Variants in BCL2L1 observed in about 807,000 individuals in gnomAD.
The protein encoded by BCL2L1 is bcl-2-like protein 1.
BCL2L1 carries 1 observed loss-of-function variant against 18.7 expected under a neutral mutation model. That is an observed-to-expected ratio of 0.05 (90% CI 0.02 to 0.25). BCL2L1 has a LOEUF of 0.25. Among genes scored for constraint, BCL2L1 ranks in the 10% least tolerant of loss-of-function variants. The pLI, the probability that BCL2L1 is intolerant of heterozygous loss-of-function variation, is 1.00. For synonymous variants in BCL2L1, 103 were observed against 122.7 expected (o/e 0.84, Z 1.06); for missense variants, 207 against 304.9 (o/e 0.68, Z 2.39).
At chr20:31,720,080 G>C in intron 2 of BCL2L1, 1 of 985,158 alleles carries the variant, frequency 1.0e-6, no homozygotes, top group East Asian at 1.1e-4. Context: ...TGGCTTTCAA[G>C]TCTAGTCAGC....
intron 2 of BCL2L1, among the ~76,000 whole-genome samples, chr20:31,707,779 A>C (rs1272796779): frequency 1.5e-5 from 2 of 132,728 alleles, no homozygotes; most frequent in Non-Finnish European, 3.3e-5. Context: ...ACTCTGTCTC[A>C]AAAAAAAAAA....
chr20:31,673,606 G>C (rs117580728), intron 2 of BCL2L1, among the ~76,000 whole-genome samples: 2 of 151,752 alleles, frequency 1.3e-5, no homozygotes, highest in Admixed American at 6.6e-5. Flanking sequence ...ATCATGTTTG[G>C]GGCCACTGTA....
chr20:31,687,444 C>T (rs556719482), intron 2 of BCL2L1, among the ~76,000 whole-genome samples: 4 of 151,568 alleles, frequency 2.6e-5, no homozygotes, highest in African/African-American at 4.8e-5. Flanking sequence ...AGGAGGATAA[C>T]GCAGGAGGAT....
rs2061656616 is a variant in BCL2L1 at position 31,722,674 on chromosome 20, A to G, written c.-187T>C. 1 of 152,066 alleles carries G rather than the reference A, an allele frequency of 6.6e-6. No homozygotes were observed. Among genetic ancestry groups the G allele is most frequent in the South Asian group, 2.1e-4 (1 of 4,780 alleles). The allele number at this position is 152,066 out of a possible 1,614,324, so 9.4% of individuals were successfully genotyped here. A position where few individuals can be genotyped will look rare whatever the true frequency, so the allele number is the denominator to read the frequency against. On this transcript the variant is annotated 5_prime_UTR_variant, in exon 1 of 3. Transcript: ENST00000307677. ...GTGCAGCCCCCGGAAGATCTTTTGTATCACAGGTCGGGAGAGGAGGTGGCT... is the reference window on the plus strand; with the variant it reads ...GTGCAGCCCCCGGAAGATCTTTTGTGTCACAGGTCGGGAGAGGAGGTGGCT...
intron 2 of BCL2L1, among the ~76,000 whole-genome samples, chr20:31,678,167 C>A (rs755840010): frequency 2.6e-5 from 4 of 152,190 alleles, no homozygotes; most frequent in Admixed American, 2.0e-4. Flanking sequence ...AAAACTAGGA[C>A]TTCTTTCTGA....
chr20:31,705,023 G>C (rs1235148086), intron 2 of BCL2L1, among the ~76,000 whole-genome samples: 4 of 152,252 alleles, frequency 2.6e-5, no homozygotes, highest in African/African-American at 9.6e-5. Flanking sequence ...CAACTACAAT[G>C]CTGGATACAA....
upstream of BCL2L1, chr20:31,723,781 C>T (rs2061673667): frequency 8.1e-6 from 8 of 985,354 alleles, no homozygotes; most frequent in African/African-American, 1.7e-5. Flanking sequence ...CTTCATCGGC[C>T]CGGTAGCTTC....
chr20:31,704,252 C>T (rs1405207344), intron 2 of BCL2L1, among the ~76,000 whole-genome samples: 1 of 151,810 alleles, frequency 6.6e-6, no homozygotes, highest in African/African-American at 2.4e-5. Context: ...TACAGGCGTG[C>T]ACCACACCCG....
intron 2 of BCL2L1, among the ~76,000 whole-genome samples, chr20:31,696,750 T>C (rs1160335225): frequency 6.6e-6 from 1 of 152,062 alleles, no homozygotes; most frequent in Non-Finnish European, 1.5e-5. Flanking sequence ...TTGTCTCTAC[T>C]AAAAATTTAA....
chr20:31,723,402 T>G (rs954120530), upstream of BCL2L1: 10 of 985,236 alleles, frequency 1.0e-5, no homozygotes, highest in Middle Eastern at 5.2e-4. Context: ...TGAGACCACG[T>G]TTTCCTGGGG....
chr20:31,720,462 G>C, intron 2 of BCL2L1: 3 of 876,228 alleles, frequency 3.4e-6, no homozygotes, highest in Non-Finnish European at 4.1e-6. Context: ...ACCTCCGCTA[G>C]GTAGGGAGAT....
At chr20:31,679,774 G>A (rs980935773) in intron 2 of BCL2L1, among the ~76,000 whole-genome samples, 1 of 152,044 alleles carries the variant, frequency 6.6e-6, no homozygotes, top group African/African-American at 2.4e-5. Flanking sequence ...AGCGATTCTT[G>A]TGCCTCAGCC....
At chr20:31,713,631 C>G (rs183233493) in intron 2 of BCL2L1, 222 of 972,456 alleles carry the variant, frequency 2.3e-4, no homozygotes, top group Non-Finnish European at 2.6e-4. Context: ...AAATAGCAGA[C>G]GGTCCCAAAG....
intron 2 of BCL2L1, among the ~76,000 whole-genome samples, chr20:31,690,573 ATT>A (rs112840835): frequency 3.3e-4 from 47 of 141,644 alleles, no homozygotes; most frequent in Admixed American, 7.1e-4. Context: ...GTCAGTATGT[ATT>A]TTTTTTTTTT....
At chr20:31,670,584 C>A (rs1568849306) in intron 2 of BCL2L1, among the ~76,000 whole-genome samples, 1 of 152,218 alleles carries the variant, frequency 6.6e-6, no homozygotes, top group Non-Finnish European at 1.5e-5. Context: ...GGAACATTCT[C>A]ATTTCAGTGC....
chr20:31,722,066 G>A lies in BCL2L1; in HGVS notation c.153C>T (p.Ile51=), dbSNP rs368700316. 4 of 1,601,144 alleles carry A rather than the reference G, an allele frequency of 2.5e-6. No homozygotes were observed. The highest frequency in any genetic ancestry group is 3.4e-6 in the Non-Finnish European group (4 of 1,173,012). ...TESEMETPSA[I]NGNPSWHLAD... is the part of the protein sequence containing the mutation. Reference sequence around the variant, plus strand: ...CCAGGTGCCAGGATGGGTTGCCATTGATGGCACTGGGGGTCTCCATCTCCG... The same window carrying A: ...CCAGGTGCCAGGATGGGTTGCCATTAATGGCACTGGGGGTCTCCATCTCCG... Residue 51 remains isoleucine (I), a synonymous_variant, in exon 2 of 3, where the codon ATC becomes ATT. Coordinates refer to ENST00000307677, the MANE Select transcript of BCL2L1 (RefSeq NM_138578.3).
chr20:31,708,593 C>T (rs1380613120), intron 2 of BCL2L1, among the ~76,000 whole-genome samples: 3 of 152,178 alleles, frequency 2.0e-5, no homozygotes, highest in Non-Finnish European at 2.9e-5. Flanking sequence ...CTGAAATCTG[C>T]ACCTGCTCCC....
At chr20:31,706,233 A>G (rs1433151137) in intron 2 of BCL2L1, among the ~76,000 whole-genome samples, 2 of 152,172 alleles carry the variant, frequency 1.3e-5, no homozygotes, top group African/African-American at 4.8e-5. Flanking sequence ...AGTCCAGCGT[A>G]GGCAGGTAAG....
At chr20:31,709,551 G>A (rs183414806) in intron 2 of BCL2L1, among the ~76,000 whole-genome samples, 26 of 152,050 alleles carry the variant, frequency 1.7e-4, no homozygotes, top group Non-Finnish European at 2.1e-4. Flanking sequence ...TAGAAGAGAC[G>A]AGCCGGGTGC....
Sources: allele counts gnomAD v4.1 joint callset (sites outside exome capture counted in the v4.1 genomes callset), GRCh38; gene constraint gnomAD v4.1.1; transcripts MANE v1.5; gene names NCBI Gene and HGNC (gene_info 2026-07-23, HGNC 2026-07-21).